Variants in SDK1 observed in about 807,000 individuals in gnomAD.
The protein encoded by SDK1 is protein sidekick-1.
In SDK1, 157 loss-of-function variants were observed where a neutral mutation model predicts 245.5. The ratio of observed to expected loss-of-function variants is 0.64; its 90% CI spans 0.56 to 0.73. The LOEUF is 0.73. SDK1 is among the 30% of genes least tolerant of loss of function. The probability of loss-of-function intolerance (pLI) is 0.00; values close to 1 mark genes in which losing one functional copy is unlikely to be tolerated. For missense variants in SDK1, 3,583 were observed against 3,002.3 expected (o/e 1.19, Z -4.52); for synonymous variants, 1,647 against 1,278.5 (o/e 1.29, Z -6.15).
At chr7:3,730,401 A>T (rs1779143914) in intron 4 of SDK1, among the ~76,000 whole-genome samples, 1 of 152,188 alleles carries the variant, frequency 6.6e-6, no homozygotes, top group Non-Finnish European at 1.5e-5. Context: ...GAACTTTGCC[A>T]AGATTCTGAA....
chr7:3,441,365 G>C (rs903202078), intron 1 of SDK1, among the ~76,000 whole-genome samples: 6 of 151,610 alleles, frequency 4.0e-5, no homozygotes, highest in African/African-American at 1.5e-4. Flanking sequence ...ATCATGACAT[G>C]TGTGGATCCA....
chr7:3,955,130 C>G (rs781293659), intron 7 of SDK1, among the ~76,000 whole-genome samples: 1 of 152,160 alleles, frequency 6.6e-6, no homozygotes, highest in Non-Finnish European at 1.5e-5. Context: ...CACGATGGCT[C>G]GGAAACTCGG....
intron 17 of SDK1, among the ~76,000 whole-genome samples, chr7:4,046,600 T>C (rs781518953): frequency 1.1e-4 from 16 of 152,320 alleles, no homozygotes; most frequent in Admixed American, 5.2e-4. Flanking sequence ...ACCAGTGATA[T>C]ATGTGTGAGT....
chr7:3,899,159 A>C (rs1325086323), intron 5 of SDK1, among the ~76,000 whole-genome samples: 1 of 152,174 alleles, frequency 6.6e-6, no homozygotes, highest in African/African-American at 2.4e-5. Flanking sequence ...TGTCTTTGGA[A>C]AGCAAAGTTG....
At chr7:3,695,330 C>T (rs1225690055) in intron 4 of SDK1, among the ~76,000 whole-genome samples, 2 of 152,074 alleles carry the variant, frequency 1.3e-5, no homozygotes, top group Non-Finnish European at 2.9e-5. Context: ...AAATATTATG[C>T]CAAATAGATG....
At chr7:3,462,080 G>T (rs1255739786) in intron 1 of SDK1, among the ~76,000 whole-genome samples, 1 of 152,068 alleles carries the variant, frequency 6.6e-6, no homozygotes, top group African/African-American at 2.4e-5. Flanking sequence ...TTGTCTGCTC[G>T]CTGCCTCAGC....
In SDK1 at chr7:4,229,412, CCAA is replaced by C. The variant is rs1785616231; in HGVS notation, c.5828-3840_5828-3838del. 2.0e-5 allele frequency among the ~76,000 whole-genome samples: 3 copies of C among 152,144 alleles called. No homozygotes were observed. The South Asian group carries it at 6.2e-4, about 32-fold the overall frequency. On this transcript the variant is annotated intron_variant, in intron 40 of 44. Transcript: ENST00000404826. ...ATCTCGGTATGACATTCCCCCTCAC[CCAA>C]CATTTTTGAGTGTAAATGGATTGCT...
chr7:3,804,445 A>G (rs1779189280), intron 4 of SDK1, among the ~76,000 whole-genome samples: 1 of 152,096 alleles, frequency 6.6e-6, no homozygotes, highest in Admixed American at 6.5e-5. Flanking sequence ...CCATTGGCCT[A>G]TTTGTCTTTT....
intron 2 of SDK1, among the ~76,000 whole-genome samples, chr7:3,632,182 C>T (rs997434482): frequency 1.3e-5 from 2 of 152,200 alleles, no homozygotes; most frequent in African/African-American, 4.8e-5. Flanking sequence ...GCAATTAATG[C>T]TCACAGTAGA....
At chr7:3,646,648 G>A (rs1017057738) in intron 4 of SDK1, among the ~76,000 whole-genome samples, 4 of 152,150 alleles carry the variant, frequency 2.6e-5, no homozygotes, top group Admixed American at 2.6e-4. Flanking sequence ...TTTATTGGCT[G>A]ATAATTTTTT....
chr7:3,544,901 G>C (rs1356250901), intron 1 of SDK1, among the ~76,000 whole-genome samples: 5 of 152,190 alleles, frequency 3.3e-5, no homozygotes, highest in African/African-American at 1.2e-4. Context: ...AGATGCTGCT[G>C]ATAGCTGTCA....
At chr7:3,918,143 C>G (rs1190513727) in intron 5 of SDK1, among the ~76,000 whole-genome samples, 1 of 152,178 alleles carries the variant, frequency 6.6e-6, no homozygotes, top group East Asian at 1.9e-4. Flanking sequence ...AACAGAAGAT[C>G]AGGAATCTGG....
chr7:3,698,316 G>A (rs1784634589), intron 4 of SDK1, among the ~76,000 whole-genome samples: 1 of 152,202 alleles, frequency 6.6e-6, no homozygotes, highest in African/African-American at 2.4e-5. Context: ...TGGGGCCAAG[G>A]CTTGTGTCTC....
At chr7:3,336,895 G>T (rs1050991952) in intron 1 of SDK1, among the ~76,000 whole-genome samples, 4 of 152,194 alleles carry the variant, frequency 2.6e-5, no homozygotes, top group African/African-American at 9.7e-5. Context: ...GGGCTAGTGG[G>T]TAACTGAATG....
intron 12 of SDK1, among the ~76,000 whole-genome samples, chr7:3,972,041 A>G (rs1782526692): frequency 6.6e-6 from 1 of 150,644 alleles, no homozygotes; most frequent in South Asian, 2.1e-4. Context: ...ACTAATAGGA[A>G]GGTGCATGCC....
chr7:3,851,666 T>A (rs113730308), intron 5 of SDK1, among the ~76,000 whole-genome samples: 1 of 152,168 alleles, frequency 6.6e-6, no homozygotes, highest in South Asian at 2.1e-4. Flanking sequence ...CGGCTTGATA[T>A]ATGTGATTTA....
rs932334801 is a variant in SDK1 at position 3,368,613 on chromosome 7, T to C, written c.298+66729T>C. ...TAACAGAGGAGACCCACTGGAAACATTGTAGGACTTGGAGAGCCTGTCGGG... is the reference window on the plus strand; with the variant it reads ...TAACAGAGGAGACCCACTGGAAACACTGTAGGACTTGGAGAGCCTGTCGGG... On this transcript the variant is annotated intron_variant, in intron 1 of 44. Coordinates refer to ENST00000404826, the MANE Select transcript of SDK1 (RefSeq NM_152744.4). Among the ~76,000 whole-genome samples the C allele has an allele frequency of 2.0e-4, 30 of 152,122 alleles. 1 individual carries two copies. Among genetic ancestry groups the C allele is most frequent in the Admixed American group, 1.7e-3 (26 of 15,282 alleles).
intron 5 of SDK1, among the ~76,000 whole-genome samples, chr7:3,906,412 G>C (rs1778932618): frequency 6.6e-6 from 1 of 151,964 alleles, no homozygotes; most frequent in South Asian, 2.1e-4. Flanking sequence ...GAGAGAGAGA[G>C]AGACAGAGAG....
At chr7:3,614,690 T>C (rs983994431) in intron 1 of SDK1, among the ~76,000 whole-genome samples, 16 of 152,202 alleles carry the variant, frequency 1.1e-4, no homozygotes, top group African/African-American at 3.9e-4. Flanking sequence ...CAATGGTAAA[T>C]AGTGCTGGGC....
Sources: allele counts gnomAD v4.1 joint callset (sites outside exome capture counted in the v4.1 genomes callset), GRCh38; gene constraint gnomAD v4.1.1; transcripts MANE v1.5; gene names NCBI Gene and HGNC (gene_info 2026-07-23, HGNC 2026-07-21).